Variants in SLC24A2 observed in about 807,000 individuals in gnomAD.
SLC24A2 encodes sodium/potassium/calcium exchanger 2.
In SLC24A2, 36 loss-of-function variants were observed where a neutral mutation model predicts 62.0. That is an observed-to-expected ratio of 0.58 (90% CI 0.44 to 0.77). The LOEUF (loss-of-function observed/expected upper bound fraction) is 0.77, where lower values mean the gene tolerates loss of function less well. Among genes scored for constraint, SLC24A2 ranks in the 30% least tolerant of loss-of-function variants. SLC24A2 has a pLI of 0.00. For synonymous variants in SLC24A2, 358 were observed against 294.0 expected, an observed-to-expected ratio of 1.22 and a Z score of -2.23; for missense variants, 846 against 817.9, an observed-to-expected ratio of 1.03 and a Z score of -0.42.
At chr9:19,525,462 G>A (rs1167268388) in intron 9 of SLC24A2, among the ~76,000 whole-genome samples, 3 of 142,342 alleles carry the variant, frequency 2.1e-5, no homozygotes, top group Non-Finnish European at 4.5e-5. Flanking sequence ...GGAGTGCAGT[G>A]GTGTGATCTT....
intron 1 of SLC24A2, among the ~76,000 whole-genome samples, chr9:19,787,290 T>G (rs1823204387): frequency 6.6e-6 from 1 of 152,184 alleles, no homozygotes; most frequent in African/African-American, 2.4e-5. Flanking sequence ...AATAAATATT[T>G]TGGTAAATCC....
intron 6 of SLC24A2, 81 bp downstream of exon 6, chr9:19,576,843 G>C: frequency 5.0e-6 from 5 of 996,190 alleles, no homozygotes; most frequent in Non-Finnish European, 8.1e-6. Flanking sequence ...ACTGAGTCAG[G>C]GGTGCCCACA....
chr9:19,611,853 G>A (rs543112863), intron 4 of SLC24A2, among the ~76,000 whole-genome samples: 1 of 152,150 alleles, frequency 6.6e-6, no homozygotes, highest in Non-Finnish European at 1.5e-5. Flanking sequence ...GTTACATAAT[G>A]TGGTCCTGGG....
the SLC24A2 span, among the ~76,000 whole-genome samples, chr9:19,972,283 G>A: frequency 6.6e-6 from 1 of 152,084 alleles, no homozygotes; most frequent in Non-Finnish European, 1.5e-5. Context: ...TAAAGTTGGG[G>A]CATGAAGTCA....
the SLC24A2 span, among the ~76,000 whole-genome samples, chr9:20,210,601 G>A: frequency 2.2e-5 from 3 of 138,144 alleles, no homozygotes; most frequent in African/African-American, 8.1e-5. Flanking sequence ...AGCCTCCCGA[G>A]TAGCTGGGAC....
the SLC24A2 span, among the ~76,000 whole-genome samples, chr9:20,261,608 T>C: frequency 2.0e-5 from 3 of 152,190 alleles, no homozygotes; most frequent in African/African-American, 7.2e-5. Context: ...AACACGTGAA[T>C]TTTGGGGGAT....
At chr9:19,709,683 C>T (rs923898896) in intron 2 of SLC24A2, among the ~76,000 whole-genome samples, 1 of 144,354 alleles carries the variant, frequency 6.9e-6, no homozygotes, top group South Asian at 2.2e-4. Flanking sequence ...CATGTTCTCA[C>T]TCATAGGTGC....
chr9:19,720,525 G>T (rs1428414888), intron 2 of SLC24A2, among the ~76,000 whole-genome samples: 1 of 152,180 alleles, frequency 6.6e-6, no homozygotes, highest in Non-Finnish European at 1.5e-5. Context: ...AGCCCTGAAT[G>T]AATTCCTAAC....
chr9:20,243,747 G>A, the SLC24A2 span, among the ~76,000 whole-genome samples: 1 of 152,020 alleles, frequency 6.6e-6, no homozygotes, highest in South Asian at 2.1e-4. Flanking sequence ...GTGGTCAATG[G>A]GGGTGATGCC....
the SLC24A2 span, among the ~76,000 whole-genome samples, chr9:19,916,405 A>AT: frequency 5.9e-5 from 9 of 151,972 alleles, no homozygotes; most frequent in South Asian, 2.1e-4. Flanking sequence ...TCTTCTAAAA[A>AT]TTTTTTTAAA....
At chr9:19,970,279 C>T in the SLC24A2 span, among the ~76,000 whole-genome samples, 4,353 of 152,246 alleles carry the variant, frequency 0.029, 182 homozygotes, top group African/African-American at 0.09. Flanking sequence ...AAGTCACTAA[C>T]TGGAGAGTTA....
chr9:19,856,819 G>A, the SLC24A2 span, among the ~76,000 whole-genome samples: 1 of 152,164 alleles, frequency 6.6e-6, no homozygotes, highest in African/African-American at 2.4e-5. Flanking sequence ...CCCCATGGTG[G>A]ATCGGTTGCG....
At chr9:19,891,247 A>G in the SLC24A2 span, among the ~76,000 whole-genome samples, 4 of 152,208 alleles carry the variant, frequency 2.6e-5, no homozygotes, top group Admixed American at 2.6e-4. Flanking sequence ...GGAGCCACAG[A>G]AAATATTTTA....
the SLC24A2 span, among the ~76,000 whole-genome samples, chr9:20,169,709 CAT>C: frequency 0.23 from 34,109 of 151,594 alleles, 4,620 homozygotes; most frequent in African/African-American, 0.38. Context: ...CCTTCCCAGA[CAT>C]AGCCTATCCA....
At chr9:19,767,132 G>A (rs1440757308) in intron 2 of SLC24A2, among the ~76,000 whole-genome samples, 3 of 152,058 alleles carry the variant, frequency 2.0e-5, no homozygotes, top group Non-Finnish European at 4.4e-5. Context: ...GTCACGGCAG[G>A]CACCCCTCCC....
At chr9:20,129,565 G>C in the SLC24A2 span, among the ~76,000 whole-genome samples, 1 of 151,964 alleles carries the variant, frequency 6.6e-6, no homozygotes, top group African/African-American at 2.4e-5. Context: ...ACAAATTATG[G>C]TATATCCACA....
chr9:20,307,249 C>T, the SLC24A2 span, among the ~76,000 whole-genome samples: 133 of 152,266 alleles, frequency 8.7e-4, no homozygotes, highest in African/African-American at 3.0e-3. Flanking sequence ...TCTTTCTCTG[C>T]TTTTAAAAAA....
the SLC24A2 span, among the ~76,000 whole-genome samples, chr9:19,903,385 C>T: frequency 1.3e-5 from 2 of 152,168 alleles, no homozygotes; most frequent in African/African-American, 4.8e-5. Context: ...ACACCAATCC[C>T]ATCATGCGTG....
At chr9:20,114,713 G>A in the SLC24A2 span, among the ~76,000 whole-genome samples, 1 of 152,040 alleles carries the variant, frequency 6.6e-6, no homozygotes, top group Admixed American at 6.6e-5. Context: ...CCAACCAGTG[G>A]GGTCACGCCC....
Sources: gnomAD v4.1 joint callset for allele counts (sites outside exome capture counted in the v4.1 genomes callset) on GRCh38, gnomAD v4.1.1 for gene constraint, MANE v1.5 for transcripts, NCBI Gene and HGNC (gene_info 2026-07-23, HGNC 2026-07-21) for gene names.